The following EYS variants were observed in gnomAD, a reference collection of about 807,000 sequenced individuals.
EYS encodes EGF-like photoreceptor maintenance factor, also known as protein eyes shut homolog.
In EYS, 250 loss-of-function variants were observed where a neutral mutation model predicts 282.1. That is an observed-to-expected ratio of 0.89 (90% CI 0.80 to 0.98). EYS has a LOEUF of 0.98. Ranked by LOEUF, EYS falls within the 50% of genes least tolerant of loss-of-function variation. EYS has a pLI of 0.00. For missense variants in EYS, 4,016 were observed against 3,709.0 expected (o/e 1.08, Z -2.15); for synonymous variants, 1,355 against 1,282.9 (o/e 1.06, Z -1.20).
intron 24 of EYS, among the ~76,000 whole-genome samples, chr6:64,600,208 T>G (rs571010301): frequency 6.6e-6 from 1 of 152,226 alleles, no homozygotes; most frequent in East Asian, 1.9e-4. Context: ...CTCACTAACC[T>G]CTGGTTATTT....
rs771064426 is a variant in EYS at position 65,344,181 on chromosome 6, TAA to T, written c.1460-6_1460-5del. On this transcript the variant is annotated splice_polypyrimidine_tract_variant and splice_region_variant and intron_variant, in intron 9 of 42. Transcript: ENST00000503581. ...TGGCACTTTTCGCCTTCAGATCCTT[TAA>T]AAAAAAAGAGATAAAAAATTAAATA... 1 of 1,567,838 alleles carries T rather than the reference TAA, an allele frequency of 6.4e-7. No individual in the cohort carries two copies. The highest frequency in any genetic ancestry group is 8.8e-7 in the Non-Finnish European group (1 of 1,142,680).
rs149068720 is a variant in EYS at position 65,647,799 on chromosome 6, A to G, written c.-447-7907T>C. Among the ~76,000 whole-genome samples the G allele has an allele frequency of 1.3e-4, 20 of 152,312 alleles. No homozygotes were observed. In the East Asian group the frequency reaches 3.3e-3, roughly 25 times the overall value. On this transcript the variant is annotated intron_variant, in intron 1 of 42. Coordinates refer to ENST00000503581, the MANE Select transcript of EYS (RefSeq NM_001142800.2). ...AACAAAGGACTAATATGCAGAATCT[A>G]CAAAGAACTCAAACAAATCAGTGAG... is the stretch of plus-strand genomic sequence containing the variant.
rs577675239 is a variant in EYS at position 65,156,192 on chromosome 6, A to T, written c.2024-98465T>A. Among the ~76,000 whole-genome samples, 53 of 151,334 alleles carry T rather than the reference A, an allele frequency of 3.5e-4. No individual in the cohort carries two copies. In the East Asian group the frequency reaches 8.6e-3, roughly 25 times the overall value. Reference sequence around the variant, plus strand: ...AGAGGAGGAGAAAGTAAAAATAGTAATAAGACTGCTTCAGAGACTCCCTTG... The same window carrying T: ...AGAGGAGGAGAAAGTAAAAATAGTATTAAGACTGCTTCAGAGACTCCCTTG... On this transcript the variant is annotated intron_variant, in intron 12 of 42. Transcript: ENST00000503581.
At chr6:63,969,260 C>A (rs1488907643) in intron 35 of EYS, among the ~76,000 whole-genome samples, 2 of 152,110 alleles carry the variant, frequency 1.3e-5, no homozygotes, top group African/African-American at 2.4e-5. Flanking sequence ...TAAAACTGAC[C>A]TGAGTATGGA....
At chr6:65,650,055 T>C (rs1006154562) in intron 1 of EYS, among the ~76,000 whole-genome samples, 2 of 152,190 alleles carry the variant, frequency 1.3e-5, no homozygotes, top group Non-Finnish European at 2.9e-5. Flanking sequence ...GTGTTTTATC[T>C]GAATTATTTA....
intron 22 of EYS, among the ~76,000 whole-genome samples, chr6:64,656,820 C>T (rs1006151713): frequency 6.6e-6 from 1 of 152,102 alleles, no homozygotes; most frequent in African/African-American, 2.4e-5. Flanking sequence ...AATAAACAAG[C>T]TCATAAATAA....
chr6:64,682,234 G>A (rs1449012623), intron 22 of EYS, among the ~76,000 whole-genome samples: 2 of 152,158 alleles, frequency 1.3e-5, no homozygotes. Context: ...TGGGCGTGGT[G>A]GCGGGCGCCT....
At chr6:64,942,809 A>G (rs1181221007) in intron 15 of EYS, among the ~76,000 whole-genome samples, 1 of 138,834 alleles carries the variant, frequency 7.2e-6, no homozygotes, top group Non-Finnish European at 1.5e-5. Context: ...GCTGGTACCC[A>G]TTCTACTGTA....
At chr6:64,159,077 CCAAATCCCCA>C (rs1307857100) in intron 31 of EYS, among the ~76,000 whole-genome samples, 4 of 152,008 alleles carry the variant, frequency 2.6e-5, no homozygotes, top group African/African-American at 9.7e-5. Flanking sequence ...AGATTAGCTC[CCAAATCCCCA>C]CAAATCCCCA....
chr6:64,912,237 A>G (rs970438602), intron 16 of EYS, among the ~76,000 whole-genome samples: 1 of 152,038 alleles, frequency 6.6e-6, no homozygotes, highest in Non-Finnish European at 1.5e-5. Flanking sequence ...AAGAAAAAAA[A>G]AGGGCCAAAA....
chr6:63,962,325 C>A (rs1318278743), intron 35 of EYS, among the ~76,000 whole-genome samples: 2 of 152,138 alleles, frequency 1.3e-5, no homozygotes, highest in African/African-American at 4.8e-5. Context: ...AACAGGCAAC[C>A]TGCAGAACGG....
chr6:65,239,994 A>G (rs1289180361), intron 12 of EYS, among the ~76,000 whole-genome samples: 1 of 150,346 alleles, frequency 6.7e-6, no homozygotes, highest in Non-Finnish European at 1.5e-5. Flanking sequence ...TTTGAGACAG[A>G]GTCTCACTCT....
chr6:65,540,393 G>T (rs1768118425), intron 2 of EYS, among the ~76,000 whole-genome samples: 1 of 152,142 alleles, frequency 6.6e-6, no homozygotes, highest in Non-Finnish European at 1.5e-5. Context: ...TGCCATATTT[G>T]TTAAATGCAA....
chr6:64,961,089 T>C (rs576779901), intron 14 of EYS, among the ~76,000 whole-genome samples: 1 of 152,220 alleles, frequency 6.6e-6, no homozygotes, highest in Non-Finnish European at 1.5e-5. Flanking sequence ...GTCTTTGCTA[T>C]TGTGAATAGT....
chr6:64,195,072 G>A (rs1446679291), intron 31 of EYS, among the ~76,000 whole-genome samples: 1 of 151,462 alleles, frequency 6.6e-6, no homozygotes, highest in African/African-American at 2.4e-5. Context: ...GGTTTTTGTT[G>A]TCTGTATAGT....
At chr6:64,808,583 A>G (rs1764505477) in intron 22 of EYS, among the ~76,000 whole-genome samples, 1 of 151,912 alleles carries the variant, frequency 6.6e-6, no homozygotes, top group Non-Finnish European at 1.5e-5. Context: ...AAGACCACTG[A>G]ACTCAAAGTG....
chr6:64,224,164 T>TA (rs1243231273), intron 31 of EYS, among the ~76,000 whole-genome samples: 5 of 152,076 alleles, frequency 3.3e-5, no homozygotes, highest in Admixed American at 6.6e-5. Context: ...AATTTTGGGT[T>TA]AAAAAAATCT....
chr6:64,659,614 G>A (rs1583008507), intron 22 of EYS, among the ~76,000 whole-genome samples: 1 of 152,138 alleles, frequency 6.6e-6, no homozygotes, highest in Non-Finnish European at 1.5e-5. Flanking sequence ...ACACCTCTAA[G>A]CAAATAAACT....
intron 33 of EYS, among the ~76,000 whole-genome samples, chr6:64,052,624 T>C (rs1770843909): frequency 6.6e-6 from 1 of 152,198 alleles, no homozygotes; most frequent in Admixed American, 6.6e-5. Flanking sequence ...ATGTTATGGC[T>C]TGATATGGTT....
Sources: gnomAD v4.1 joint callset for allele counts (sites outside exome capture counted in the v4.1 genomes callset) on GRCh38, gnomAD v4.1.1 for gene constraint, MANE v1.5 for transcripts, NCBI Gene and HGNC (gene_info 2026-07-23, HGNC 2026-07-21) for gene names.